Variants in CALN1 observed in about 807,000 individuals in gnomAD.
CALN1 encodes calneuron 1.
Under a neutral mutation model 30.6 loss-of-function variants are expected in CALN1, and 17 were observed. The ratio of observed to expected loss-of-function variants is 0.56; its 90% confidence interval spans 0.38 to 0.83. The LOEUF is 0.83. CALN1 is among the 40% of genes least tolerant of loss of function. The pLI, the probability that CALN1 is intolerant of heterozygous loss-of-function variation, is 0.00. For synonymous variants in CALN1, 156 were observed against 131.4 expected (o/e 1.19, Z -1.28); for missense variants, 291 against 354.9 (o/e 0.82, Z 1.45).
intron 5 of CALN1, among the ~76,000 whole-genome samples, chr7:71,869,615 T>C (rs1161418691): frequency 4.6e-5 from 7 of 152,194 alleles, no homozygotes; most frequent in African/African-American, 1.7e-4. Context: ...TAACAGGTAA[T>C]CAATATTTTT....
chr7:71,798,674 T>G (rs1388200835), intron 6 of CALN1, among the ~76,000 whole-genome samples: 1 of 145,266 alleles, frequency 6.9e-6, no homozygotes, highest in African/African-American at 2.6e-5. Context: ...CAGGCTTGAG[T>G]GCAGTGGTGT....
chr7:72,476,907 G>A, the CALN1 span, among the ~76,000 whole-genome samples: 1 of 152,260 alleles, frequency 6.6e-6, no homozygotes, highest in South Asian at 2.1e-4. Context: ...GTTAGGGAAA[G>A]TGCTATGAAG....
At chr7:72,241,431 G>A (rs534740852) in intron 3 of CALN1, among the ~76,000 whole-genome samples, 1 of 152,232 alleles carries the variant, frequency 6.6e-6, no homozygotes, top group East Asian at 1.9e-4. Context: ...TTCAGACCGG[G>A]TGCAGGGGCT....
At chr7:72,125,906 G>A (rs139597821) in intron 3 of CALN1, among the ~76,000 whole-genome samples, 1 of 149,426 alleles carries the variant, frequency 6.7e-6, no homozygotes, top group Non-Finnish European at 1.5e-5. Flanking sequence ...GGGTTCAAGC[G>A]ATTCTCCTCC....
At chr7:72,231,313 G>C (rs920818298) in intron 3 of CALN1, among the ~76,000 whole-genome samples, 1 of 152,148 alleles carries the variant, frequency 6.6e-6, no homozygotes, top group South Asian at 2.1e-4. Flanking sequence ...GCCCCAGTGT[G>C]TGTTGTTCCC....
At chr7:71,873,362 A>G (rs1385656857) in intron 5 of CALN1, among the ~76,000 whole-genome samples, 1 of 152,104 alleles carries the variant, frequency 6.6e-6, no homozygotes, top group East Asian at 1.9e-4. Context: ...CTGGTTGCCT[A>G]TACATACAGT....
At chr7:72,023,813 T>G in intron 4 of CALN1, 44 bp from the exon 5 acceptor site, 4 of 1,452,434 alleles carry the variant, frequency 2.8e-6, no homozygotes, top group South Asian at 1.1e-5. Context: ...CAAGCTGAAC[T>G]TGACCTACCG....
At chr7:72,079,870 A>T (rs368973528) in intron 4 of CALN1, among the ~76,000 whole-genome samples, 1 of 146,924 alleles carries the variant, frequency 6.8e-6, no homozygotes, top group African/African-American at 2.5e-5. Flanking sequence ...TCCTGGGTTC[A>T]AATGATTCTC....
At chr7:72,487,909 A>AAGGAAGGAAGGAAGGAAGGGAAG in the CALN1 span, among the ~76,000 whole-genome samples, 1 of 77,098 alleles carries the variant, frequency 1.3e-5, no homozygotes, top group Non-Finnish European at 2.5e-5. Flanking sequence ...AAAGAAAGAA[A>AAGGAAGGAAGGAAGGAAGGGAAG]GAAAGAAAGA....
At chr7:72,386,451 G>A (rs1026554157) in intron 2 of CALN1, among the ~76,000 whole-genome samples, 1 of 152,166 alleles carries the variant, frequency 6.6e-6, no homozygotes, top group African/African-American at 2.4e-5. Context: ...TGTCTCCTAT[G>A]GGTAAATTGG....
At chr7:72,488,605 C>T in the CALN1 span, among the ~76,000 whole-genome samples, 74 of 152,084 alleles carry the variant, frequency 4.9e-4, no homozygotes, top group African/African-American at 1.6e-3. Context: ...TATTGGAGCA[C>T]GTGCCTTGGA....
chr7:71,930,607 C>T (rs1381681104), intron 5 of CALN1, among the ~76,000 whole-genome samples: 1 of 151,888 alleles, frequency 6.6e-6, no homozygotes, highest in Admixed American at 6.6e-5. Context: ...ATCTTTGGTC[C>T]CTTGTGCTTT....
intron 3 of CALN1, among the ~76,000 whole-genome samples, chr7:72,108,022 T>C (rs946886692): frequency 6.6e-6 from 1 of 152,200 alleles, no homozygotes; most frequent in African/African-American, 2.4e-5. Context: ...TAGAAATCTA[T>C]TCTCTCACAG....
At chr7:72,394,863 G>T (rs1454192336) in intron 2 of CALN1, among the ~76,000 whole-genome samples, 2 of 151,966 alleles carry the variant, frequency 1.3e-5, no homozygotes, top group Non-Finnish European at 2.9e-5. Flanking sequence ...TCACTAGATT[G>T]CCCGGGCTGG....
intron 2 of CALN1, among the ~76,000 whole-genome samples, chr7:72,352,928 T>TA (rs1489309445): frequency 1.3e-5 from 2 of 151,962 alleles, no homozygotes; most frequent in Non-Finnish European, 2.9e-5. Flanking sequence ...CCTAACGATA[T>TA]AAAAAAGAAT....
intron 2 of CALN1, among the ~76,000 whole-genome samples, chr7:72,311,060 C>T (rs1386064410): frequency 6.6e-6 from 1 of 152,016 alleles, no homozygotes; most frequent in East Asian, 1.9e-4. Flanking sequence ...TGCATCCCTT[C>T]CCACCTCCTC....
chr7:72,221,813 C>T (rs1022360284), intron 3 of CALN1, among the ~76,000 whole-genome samples: 10 of 151,714 alleles, frequency 6.6e-5, no homozygotes, highest in African/African-American at 2.4e-4. Context: ...TGCTTAAACC[C>T]GGGAGGCGGA....
chr7:72,220,341 T>C (rs1793190413), intron 3 of CALN1, among the ~76,000 whole-genome samples: 1 of 151,980 alleles, frequency 6.6e-6, no homozygotes, highest in Non-Finnish European at 1.5e-5. Flanking sequence ...GGTTTCCAGT[T>C]TCACCCATGT....
At position 72,047,894 on chromosome 7, in the gene CALN1, C is replaced by T. The variant is rs536354067; in HGVS notation, c.389-24125G>A. Among the ~76,000 whole-genome samples, 174 of 152,192 alleles carry T rather than the reference C, an allele frequency of 1.1e-3. 3 individuals are homozygous for T. In the Middle Eastern group the frequency reaches 0.014, roughly 12 times the overall value. On this transcript the variant is annotated intron_variant, in intron 4 of 6. Transcript: ENST00000395275. Reference sequence around the variant, plus strand: ...GTGTGTTAAAAACGGGAAAGTGCTGCAGAAGGAAAATGCAGGGAAATTGGA... The same window carrying T: ...GTGTGTTAAAAACGGGAAAGTGCTGTAGAAGGAAAATGCAGGGAAATTGGA...
Sources: gnomAD v4.1 joint callset for allele counts (sites outside exome capture counted in the v4.1 genomes callset) on GRCh38, gnomAD v4.1.1 for gene constraint, MANE v1.5 for transcripts, NCBI Gene and HGNC (gene_info 2026-07-23, HGNC 2026-07-21) for gene names.